CADPS: variants seen among roughly 807,000 people sequenced by gnomAD.
CADPS encodes calcium dependent secretion activator.
CADPS carries 57 observed loss-of-function variants against 167.3 expected under a neutral mutation model. That is an observed-to-expected ratio of 0.34 (90% CI 0.28 to 0.42). CADPS has a LOEUF of 0.42. Among genes scored for constraint, CADPS ranks in the 20% least tolerant of loss-of-function variants. CADPS has a pLI of 1.00. For synonymous variants in CADPS, 676 were observed against 635.3 expected (o/e 1.06, Z -0.96); for missense variants, 1,414 against 1,738.1 (o/e 0.81, Z 3.32).
At chr3:62,724,318 T>G (rs577536965) in intron 3 of CADPS, among the ~76,000 whole-genome samples, 2 of 152,210 alleles carry the variant, frequency 1.3e-5, no homozygotes, top group Non-Finnish European at 2.9e-5. Flanking sequence ...CTTTTACTGA[T>G]GAACTCATCA....
chr3:62,583,049 C>G (rs1057125147), intron 8 of CADPS, among the ~76,000 whole-genome samples: 4 of 152,074 alleles, frequency 2.6e-5, no homozygotes, highest in African/African-American at 9.7e-5. Flanking sequence ...GGTTGAGGCA[C>G]TGATCATTTT....
At chr3:62,634,445 T>A (rs1256610147) in intron 6 of CADPS, among the ~76,000 whole-genome samples, 1 of 152,212 alleles carries the variant, frequency 6.6e-6, no homozygotes, top group Admixed American at 6.5e-5. Flanking sequence ...AGAGCACATA[T>A]GAAGATTTTT....
chr3:62,706,663 A>G (rs2082359756), intron 3 of CADPS, among the ~76,000 whole-genome samples: 1 of 152,088 alleles, frequency 6.6e-6, no homozygotes, highest in Non-Finnish European at 1.5e-5. Context: ...CTTGGCTTGC[A>G]GAATTAACAC....
chr3:62,708,238 G>T lies in CADPS; in HGVS notation c.888+45203C>A, dbSNP rs1207010284. Among the ~76,000 whole-genome samples the T allele has an allele frequency of 2.9e-5, 3 of 103,228 alleles. No individual in the cohort carries two copies. In the East Asian group the frequency reaches 1.2e-3, roughly 41 times the overall value. 67.7% of individuals were successfully genotyped at this position (103,228 alleles called of 152,430 possible). A position where few individuals can be genotyped will look rare whatever the true frequency, so the allele number is the denominator to read the frequency against. On this transcript the variant is annotated intron_variant, in intron 3 of 29. Coordinates refer to ENST00000383710, the MANE Select transcript of CADPS (RefSeq NM_003716.4). Reference sequence around the variant, plus strand: ...TGTGCCTGGTCTAGCACAAGGAAGTGTTAAAGTGGAGAGAAAAAAAAGCCA... The same window carrying T: ...TGTGCCTGGTCTAGCACAAGGAAGTTTTAAAGTGGAGAGAAAAAAAAGCCA...
intron 6 of CADPS, among the ~76,000 whole-genome samples, chr3:62,635,331 T>C (rs1318888611): frequency 1.3e-5 from 2 of 152,130 alleles, no homozygotes; most frequent in African/African-American, 2.4e-5. Context: ...CCTCAATGAT[T>C]GATCCTGCAA....
intron 3 of CADPS, among the ~76,000 whole-genome samples, chr3:62,679,380 T>C (rs534617139): frequency 7.2e-4 from 58 of 80,808 alleles, no homozygotes; most frequent in African/African-American, 1.7e-3. Flanking sequence ...TCCAGAGAGA[T>C]GCTGGTCCAG....
chr3:62,774,522 G>A (rs1321860441), intron 1 of CADPS, among the ~76,000 whole-genome samples: 3 of 152,092 alleles, frequency 2.0e-5, no homozygotes. Context: ...CTGCAAGGAG[G>A]TTTTGTTTAT....
At chr3:62,451,640 A>G (rs1204530585) in intron 26 of CADPS, among the ~76,000 whole-genome samples, 1 of 152,004 alleles carries the variant, frequency 6.6e-6, no homozygotes, top group African/African-American at 2.4e-5. Context: ...CAAGGAAATG[A>G]TTTATTCTCT....
intron 1 of CADPS, among the ~76,000 whole-genome samples, chr3:62,774,457 C>A (rs141888557): frequency 6.6e-6 from 1 of 152,152 alleles, no homozygotes; most frequent in African/African-American, 2.4e-5. Flanking sequence ...TAGTTGCCAT[C>A]ATTCTCATAC....
At chr3:62,454,744 G>A (rs531546012) in intron 26 of CADPS, among the ~76,000 whole-genome samples, 19 of 152,112 alleles carry the variant, frequency 1.2e-4, no homozygotes, top group Non-Finnish European at 1.9e-4. Context: ...GGAGAGAGCC[G>A]AGGTTTTCCT....
intron 1 of CADPS, among the ~76,000 whole-genome samples, chr3:62,815,393 C>T (rs1419125853): frequency 6.6e-6 from 1 of 151,598 alleles, no homozygotes; most frequent in Non-Finnish European, 1.5e-5. Context: ...AAAAATTAAT[C>T]TATGGTCCGA....
intron 28 of CADPS, among the ~76,000 whole-genome samples, chr3:62,410,354 G>A (rs573540018): frequency 7.9e-5 from 12 of 152,320 alleles, no homozygotes; most frequent in African/African-American, 2.6e-4. Context: ...TATTAGGAAA[G>A]CAAAGCATTA....
In CADPS at chr3:62,639,880, C is replaced by T. The variant is rs1482554894; in HGVS notation, c.1325+5842G>A. ...TGGTCCAGGACACATCAAGCCCCTC[C>T]CTACCTCAAAGCCTTGCACTTGCTG... On this transcript the variant is annotated intron_variant, in intron 6 of 29. Coordinates refer to ENST00000383710, the MANE Select transcript of CADPS (RefSeq NM_003716.4). Among the ~76,000 whole-genome samples the T allele has an allele frequency of 2.6e-5, 4 of 152,134 alleles. No homozygotes were observed. The East Asian group carries it at 7.7e-4, about 29-fold the overall frequency.
intron 28 of CADPS, chr3:62,403,811 C>G (rs945553466): frequency 2.0e-5 from 3 of 152,114 alleles, no homozygotes; most frequent in Non-Finnish European, 4.4e-5. Flanking sequence ...GCTGTGCAAT[C>G]TGTTTTAATC....
rs936913659 is a variant in CADPS at position 62,466,617 on chromosome 3, C to A, written c.3478-204G>T. ...AAGCTCTTAAAAATATTACCAAGTT[C>A]ATTGTTCCTTACTCAAGGCTTTCGA... is the stretch of plus-strand genomic sequence containing the variant. On this transcript the variant is annotated intron_variant, in intron 24 of 29. Coordinates refer to ENST00000383710, the MANE Select transcript of CADPS (RefSeq NM_003716.4). 8.0e-6 allele frequency: 5 copies of A among 623,666 alleles called. No homozygotes were observed. In the African/African-American group the frequency reaches 9.2e-5, roughly 12 times the overall value. 38.6% of individuals were successfully genotyped at this position (623,666 alleles called of 1,614,324 possible).
At chr3:62,842,396 A>T (rs971259976) in intron 1 of CADPS, among the ~76,000 whole-genome samples, 2 of 152,188 alleles carry the variant, frequency 1.3e-5, no homozygotes, top group Admixed American at 6.5e-5. Context: ...TGTACCCCTA[A>T]CCATTATGGA....
At chr3:62,459,872 A>G (rs1161401721) in intron 26 of CADPS, among the ~76,000 whole-genome samples, 1 of 152,210 alleles carries the variant, frequency 6.6e-6, no homozygotes, top group Non-Finnish European at 1.5e-5. Context: ...GGAAGTGGAG[A>G]ATTTTGAATG....
At chr3:62,608,682 G>A (rs538140885) in intron 6 of CADPS, among the ~76,000 whole-genome samples, 1 of 152,154 alleles carries the variant, frequency 6.6e-6, no homozygotes, top group African/African-American at 2.4e-5. Context: ...ATATATTTTG[G>A]AGTTTATACA....
At chr3:62,852,063 G>A (rs1362774748) in intron 1 of CADPS, among the ~76,000 whole-genome samples, 6 of 145,552 alleles carry the variant, frequency 4.1e-5, no homozygotes, top group African/African-American at 1.0e-4. Context: ...CCAGTTGATC[G>A]CATCGGCTCC....
Sources: gnomAD v4.1 joint callset for allele counts (sites outside exome capture counted in the v4.1 genomes callset) on GRCh38, gnomAD v4.1.1 for gene constraint, MANE v1.5 for transcripts, NCBI Gene and HGNC (gene_info 2026-07-23, HGNC 2026-07-21) for gene names.